Variants in PCDHA10 observed in about 807,000 individuals in gnomAD.
PCDHA10 encodes protocadherin alpha-10.
PCDHA10 carries 45 observed loss-of-function variants against 61.2 expected under a neutral mutation model. The observed-to-expected ratio is 0.74, with a 90% CI of 0.58 to 0.94. The LOEUF (loss-of-function observed/expected upper bound fraction) is 0.94. PCDHA10 is among the 40% of genes least tolerant of loss of function. PCDHA10 has a pLI of 0.00. For synonymous variants in PCDHA10, 602 were observed against 548.8 expected, an observed-to-expected ratio of 1.10 and a Z score of -1.35; for missense variants, 1,278 against 1,236.2, an observed-to-expected ratio of 1.03 and a Z score of -0.51.
intron 1 of PCDHA10, among the ~76,000 whole-genome samples, chr5:140,925,792 T>C (rs918762181): frequency 6.6e-6 from 1 of 152,170 alleles, no homozygotes. Flanking sequence ...AGTATCTCAG[T>C]ACTTTCCCCT....
intron 1 of PCDHA10, among the ~76,000 whole-genome samples, chr5:140,893,124 CA>C (rs2063834148): frequency 2.0e-5 from 3 of 152,298 alleles, no homozygotes; most frequent in Admixed American, 1.3e-4. Flanking sequence ...ATATACACCA[CA>C]TTTTCTTTAT....
At position 140,991,361 on chromosome 5, in the gene PCDHA10, G is replaced by A. The variant is rs1183124741; in HGVS notation, c.2536+8798G>A. On this transcript the variant is annotated intron_variant, in intron 3 of 3. Transcript: ENST00000307360. ...GGTAACTTGGAAAAGACTATTTACT[G>A]TCTGAGTTCTAGGCCAACTGTAGGG... Among the ~76,000 whole-genome samples, 3 of 152,200 alleles carry A rather than the reference G, an allele frequency of 2.0e-5. No individual in the cohort carries two copies. In the East Asian group the frequency reaches 5.8e-4, roughly 29 times the overall value.
chr5:140,858,241 G>T lies in PCDHA10; in HGVS notation c.2193G>T (p.Gly731=). 1 of 1,596,686 alleles carries T rather than the reference G, an allele frequency of 6.3e-7. No homozygotes were observed. The highest frequency in any genetic ancestry group is 8.6e-7 in the Non-Finnish European group (1 of 1,166,564). The change falls in exon 1 of 4, where the codon GGG becomes GGT. Residue 731 remains glycine (G), a synonymous_variant. Coordinates refer to ENST00000307360, the MANE Select transcript of PCDHA10 (RefSeq NM_018901.4). ...CGGCGCCCACCGAGGGCGCATGTGG[G>T]CCGGTGAAGCCCACGCTGGTGTGCT... ...CSAAPTEGAC[G]PVKPTLVCSS...
chr5:140,942,429 A>C (rs543442477), intron 1 of PCDHA10, among the ~76,000 whole-genome samples: 1 of 152,226 alleles, frequency 6.6e-6, no homozygotes, highest in Admixed American at 6.5e-5. Context: ...AAAGATATCT[A>C]ACAATAAACA....
At chr5:140,916,978 C>T (rs907014572) in intron 1 of PCDHA10, among the ~76,000 whole-genome samples, 13 of 152,270 alleles carry the variant, frequency 8.5e-5, no homozygotes, top group South Asian at 2.1e-4. Context: ...ATGAGTGATT[C>T]GCCTCTGGCC....
At chr5:140,863,749 G>C (rs1346198553) in intron 1 of PCDHA10, 1 of 245,376 alleles carries the variant, frequency 4.1e-6, no homozygotes, top group Non-Finnish European at 8.0e-6. Flanking sequence ...TTGTAATCCC[G>C]GCACTTTGGG....
At chr5:141,007,395 C>CAAAAAAAAAAA (rs35800918) in intron 3 of PCDHA10, among the ~76,000 whole-genome samples, 6 of 94,856 alleles carry the variant, frequency 6.3e-5, no homozygotes, top group South Asian at 3.5e-4. Flanking sequence ...TACTAAAATA[C>CAAAAAAAAAAA]AAAAAAAAAA....
At chr5:140,982,414 G>A in intron 2 of PCDHA10, 61 bp from the exon 3 acceptor site, 1 of 1,609,882 alleles carries the variant, frequency 6.2e-7, no homozygotes, top group Non-Finnish European at 8.5e-7. Flanking sequence ...TCTGAGGGTG[G>A]AAGAAGAGAT....
At chr5:140,907,406 A>G (rs2073359357) in intron 1 of PCDHA10, among the ~76,000 whole-genome samples, 1 of 152,216 alleles carries the variant, frequency 6.6e-6, no homozygotes, top group African/African-American at 2.4e-5. Context: ...TGTGTGGAAT[A>G]CCACGATGGT....
chr5:140,872,003 A>G (rs1314439086), intron 1 of PCDHA10, among the ~76,000 whole-genome samples: 1 of 152,202 alleles, frequency 6.6e-6, no homozygotes, highest in South Asian at 2.1e-4. Context: ...GGCTATTTAC[A>G]GGTGACCTGT....
chr5:140,877,070 T>A (rs2056830444), intron 1 of PCDHA10: 4 of 1,613,050 alleles, frequency 2.5e-6, no homozygotes, highest in Non-Finnish European at 3.4e-6. Flanking sequence ...CTGCTGCAGT[T>A]CCAGGTGAGC....
At chr5:140,868,866 T>C (rs1319732568) in intron 1 of PCDHA10, 2 of 581,336 alleles carry the variant, frequency 3.4e-6, no homozygotes, top group Non-Finnish European at 5.7e-6. Context: ...GTAAATGCAG[T>C]GCACAGTACT....
intron 1 of PCDHA10, chr5:140,863,119 A>G: frequency 1.7e-6 from 1 of 591,284 alleles, no homozygotes. Context: ...GGCGAAAGCT[A>G]CGCGCCACCG....
chr5:140,911,404 A>G (rs2075457175), intron 1 of PCDHA10, among the ~76,000 whole-genome samples: 1 of 152,174 alleles, frequency 6.6e-6, no homozygotes, highest in African/African-American at 2.4e-5. Flanking sequence ...CAGGTCAGCC[A>G]CTGGTATGAT....
intron 1 of PCDHA10, chr5:140,966,716 G>T: frequency 1.4e-6 from 2 of 1,394,682 alleles, no homozygotes; most frequent in Non-Finnish European, 9.2e-7. Context: ...CACGGCTGGG[G>T]AAGCTGCCGC....
chr5:140,980,360 G>A (rs1173525969), intron 2 of PCDHA10, among the ~76,000 whole-genome samples: 4 of 152,142 alleles, frequency 2.6e-5, no homozygotes, highest in Middle Eastern at 3.2e-3. Context: ...GACTGGGCGC[G>A]GTGGCTCACA....
intron 1 of PCDHA10, among the ~76,000 whole-genome samples, chr5:140,917,068 G>A (rs2077864221): frequency 6.6e-6 from 1 of 152,066 alleles, no homozygotes; most frequent in African/African-American, 2.4e-5. Flanking sequence ...CGACAGCACC[G>A]AGTTTAATGT....
intron 3 of PCDHA10, among the ~76,000 whole-genome samples, chr5:141,006,206 AT>A (rs1178693799): frequency 1.4e-5 from 2 of 147,854 alleles, no homozygotes. Flanking sequence ...GTTATGCCTC[AT>A]TTTTTTTTAA....
At chr5:140,901,828 A>G (rs538492227) in intron 1 of PCDHA10, among the ~76,000 whole-genome samples, 1 of 152,318 alleles carries the variant, frequency 6.6e-6, no homozygotes, top group African/African-American at 2.4e-5. Flanking sequence ...CTTCCAGTCC[A>G]TAAACATGCA....
Sources: gnomAD v4.1 joint callset for allele counts (sites outside exome capture counted in the v4.1 genomes callset) on GRCh38, gnomAD v4.1.1 for gene constraint, MANE v1.5 for transcripts, NCBI Gene and HGNC (gene_info 2026-07-23, HGNC 2026-07-21) for gene names.